The following IFT81 variants were observed in gnomAD, a reference collection of about 807,000 sequenced individuals.
IFT81 encodes the protein intraflagellar transport protein 81 homolog.
Under a neutral mutation model 102.6 loss-of-function variants are expected in IFT81, and 72 were observed. That is an observed-to-expected ratio of 0.70 (90% CI 0.58 to 0.85). IFT81 has a LOEUF of 0.85. Ranked by LOEUF, IFT81 falls within the 40% of genes least tolerant of loss-of-function variation. The probability of loss-of-function intolerance (pLI) is 0.00; values close to 1 mark genes in which losing one functional copy is unlikely to be tolerated. For synonymous variants in IFT81, 237 were observed against 242.7 expected, an observed-to-expected ratio of 0.98 and a Z score of 0.22; for missense variants, 723 against 787.3, an observed-to-expected ratio of 0.92 and a Z score of 0.98.
At chr12:110,176,238 C>A (rs1338049853) in intron 11 of IFT81, among the ~76,000 whole-genome samples, 1 of 152,180 alleles carries the variant, frequency 6.6e-6, no homozygotes, top group Non-Finnish European at 1.5e-5. Flanking sequence ...ACTTCTGATA[C>A]AACTTCCCAA....
intron 18 of IFT81, among the ~76,000 whole-genome samples, chr12:110,215,404 T>C (rs2137618623): frequency 6.6e-6 from 1 of 151,550 alleles, no homozygotes; most frequent in African/African-American, 2.4e-5. Flanking sequence ...GCACATGGGA[T>C]TATGAATGAA....
At chr12:110,139,883 TA>T (rs1481051521) in intron 8 of IFT81, among the ~76,000 whole-genome samples, 1 of 142,194 alleles carries the variant, frequency 7.0e-6, no homozygotes, top group African/African-American at 2.6e-5. Flanking sequence ...TAAAATAAAA[TA>T]AAATAAAATA....
chr12:110,175,845 G>T (rs1021497347), intron 11 of IFT81, among the ~76,000 whole-genome samples: 4 of 152,130 alleles, frequency 2.6e-5, no homozygotes, highest in African/African-American at 9.7e-5. Context: ...GACAGAGTCT[G>T]TCTCTGTTGC....
chr12:110,209,426 A>G (rs529762252), intron 18 of IFT81, among the ~76,000 whole-genome samples: 7 of 152,324 alleles, frequency 4.6e-5, no homozygotes, highest in Non-Finnish European at 1.0e-4. Context: ...AAAATTATCT[A>G]TTTTTAAATC....
chr12:110,213,773 G>A (rs967625365), intron 18 of IFT81, among the ~76,000 whole-genome samples: 14 of 152,042 alleles, frequency 9.2e-5, no homozygotes, highest in African/African-American at 3.4e-4. Flanking sequence ...CTTTTAGATT[G>A]AACATATTTG....
At chr12:110,206,675 T>TAAAAAAAAAAAAAAAAAAAACAAA (rs551478493) in intron 17 of IFT81, among the ~76,000 whole-genome samples, 1 of 129,034 alleles carries the variant, frequency 7.7e-6, no homozygotes, top group Non-Finnish European at 1.7e-5. Context: ...ACTCTGTCTT[T>TAAAAAAAAAAAAAAAAAAAACAAA]AAAAAAAAAA....
intron 10 of IFT81, among the ~76,000 whole-genome samples, chr12:110,161,926 AC>A (rs1384355150): frequency 2.3e-4 from 35 of 152,132 alleles, no homozygotes; most frequent in African/African-American, 8.2e-4. Flanking sequence ...TTCTCTTAAG[AC>A]AGTTTGGCTA....
intron 10 of IFT81, among the ~76,000 whole-genome samples, chr12:110,153,307 T>C (rs1895645978): frequency 6.6e-6 from 1 of 152,142 alleles, no homozygotes; most frequent in Non-Finnish European, 1.5e-5. Context: ...TGATCTCGGC[T>C]CACCGCAACC....
chr12:110,135,104 G>A, intron 6 of IFT81, 91 bp downstream of exon 6: 1 of 1,003,756 alleles, frequency 1.0e-6, no homozygotes. Flanking sequence ...AGCCAAGCAT[G>A]AGTGTACATC....
chr12:110,150,014 C>T (rs1017988507), intron 10 of IFT81, among the ~76,000 whole-genome samples: 19 of 152,226 alleles, frequency 1.2e-4, no homozygotes, highest in South Asian at 4.1e-4. Context: ...CCATGCCCTC[C>T]TCTACCCAGC....
At chr12:110,208,011 G>A (rs1422637075) in intron 17 of IFT81, among the ~76,000 whole-genome samples, 1 of 152,010 alleles carries the variant, frequency 6.6e-6, no homozygotes, top group Non-Finnish European at 1.5e-5. Flanking sequence ...ATGAAGTAGT[G>A]TGCACAGAAG....
At chr12:110,151,015 T>C (rs967452479) in intron 10 of IFT81, among the ~76,000 whole-genome samples, 1 of 152,202 alleles carries the variant, frequency 6.6e-6, no homozygotes, top group Non-Finnish European at 1.5e-5. Flanking sequence ...AAAAATACCT[T>C]GATTGAGATA....
intron 18 of IFT81, among the ~76,000 whole-genome samples, chr12:110,212,070 T>G (rs540560856): frequency 9.2e-5 from 14 of 152,294 alleles, no homozygotes; most frequent in Middle Eastern, 3.4e-3. Flanking sequence ...AGTTATTCAC[T>G]CTTATTTACA....
chr12:110,147,119 A>G (rs1895272549), intron 10 of IFT81, 71 bp downstream of exon 10: 8 of 1,201,922 alleles, frequency 6.7e-6, no homozygotes, highest in African/African-American at 6.1e-5. Context: ...TGTGTTATCT[A>G]TAGTCTTAAA....
chr12:110,179,118 G>A (rs188181007), intron 11 of IFT81, among the ~76,000 whole-genome samples: 2 of 152,070 alleles, frequency 1.3e-5, no homozygotes, highest in East Asian at 1.9e-4. Flanking sequence ...TTAACATTTC[G>A]ATGGGTACCA....
intron 14 of IFT81, 73 bp from the exon 15 acceptor site, chr12:110,203,791 C>T: frequency 2.2e-6 from 2 of 913,728 alleles, no homozygotes; most frequent in African/African-American, 1.6e-5. Flanking sequence ...CTGACAAGGG[C>T]ATGCATTGTT....
intron 12 of IFT81, among the ~76,000 whole-genome samples, chr12:110,186,053 C>T (rs1415096342): frequency 1.3e-5 from 2 of 152,072 alleles, no homozygotes; most frequent in African/African-American, 4.8e-5. Flanking sequence ...TTATTTAGTT[C>T]AGGTCTGCTT....
At chr12:110,178,323 A>G (rs1201104994) in intron 11 of IFT81, among the ~76,000 whole-genome samples, 1 of 149,854 alleles carries the variant, frequency 6.7e-6, no homozygotes, top group Non-Finnish European at 1.5e-5. Flanking sequence ...CTGAGGCAGG[A>G]GATTTGCTTG....
At position 110,144,934 on chromosome 12, in the gene IFT81, C is replaced by G. The variant is rs937922995; in HGVS notation, c.945+1389C>G. ...AGGCTGGAGTGCAGTGGCACAATCT[C>G]AGCTCACTGCAACCTCCACCTTCTG... On this transcript the variant is annotated intron_variant, in intron 9 of 18. Coordinates refer to ENST00000242591, the MANE Select transcript of IFT81 (RefSeq NM_014055.4). 3.5e-4 allele frequency among the ~76,000 whole-genome samples: 50 copies of G among 144,848 alleles called. 1 individual carries two copies. The highest frequency in any genetic ancestry group is 1.2e-3 in the African/African-American group (46 of 38,862).
Sources: gnomAD v4.1 joint callset for allele counts (sites outside exome capture counted in the v4.1 genomes callset) on GRCh38, gnomAD v4.1.1 for gene constraint, MANE v1.5 for transcripts, NCBI Gene and HGNC (gene_info 2026-07-23, HGNC 2026-07-21) for gene names.